MSRB3: variants seen among roughly 807,000 people sequenced by gnomAD.
The protein encoded by MSRB3 is methionine-R-sulfoxide reductase B3.
MSRB3 carries 13 observed loss-of-function variants against 21.0 expected under a neutral mutation model. The ratio of observed to expected loss-of-function variants is 0.62; its 90% CI spans 0.40 to 0.98. The LOEUF (loss-of-function observed/expected upper bound fraction) is 0.98, where lower values mean the gene tolerates loss of function less well. Among genes scored for constraint, MSRB3 ranks in the 50% least tolerant of loss-of-function variants. The pLI is 0.00. For missense variants in MSRB3, 199 were observed against 230.3 expected (o/e 0.86, Z 0.88); for synonymous variants, 87 against 88.6 (o/e 0.98, Z 0.10).
intron 5 of MSRB3, among the ~76,000 whole-genome samples, chr12:65,384,935 G>GTA (rs1318990984): frequency 6.6e-6 from 1 of 152,086 alleles, no homozygotes; most frequent in Non-Finnish European, 1.5e-5. Context: ...TAGGTGGCAT[G>GTA]TATAAGTATT....
intron 5 of MSRB3, among the ~76,000 whole-genome samples, chr12:65,415,263 AG>A (rs1341078741): frequency 1.3e-5 from 2 of 152,156 alleles, no homozygotes; most frequent in Non-Finnish European, 2.9e-5. Flanking sequence ...TCTGCTTCCA[AG>A]TGAGGTCATT....
In MSRB3 at chr12:65,463,382, A is replaced by T; in HGVS notation, c.*60A>T. 6.3e-7 allele frequency: 1 copy of T among 1,576,726 alleles called. No individual in the cohort carries two copies. The highest frequency in any genetic ancestry group is 8.7e-7 in the Non-Finnish European group (1 of 1,155,148). On this transcript the variant is annotated 3_prime_UTR_variant, in exon 7 of 7. Transcript: ENST00000308259. ...ATGCACAGCTTATTAAAAAAATCAA[A>T]ATTGTTATCTTAATAGATATATTTT... is the stretch of plus-strand genomic sequence containing the variant.
At chr12:65,291,132 C>T (rs1244870321) in intron 1 of MSRB3, among the ~76,000 whole-genome samples, 7 of 151,740 alleles carry the variant, frequency 4.6e-5, no homozygotes, top group African/African-American at 1.7e-4. Flanking sequence ...GTCACCCAGG[C>T]TGGAGTGCAG....
chr12:65,418,654 T>G, intron 5 of MSRB3: 1 of 624,278 alleles, frequency 1.6e-6, no homozygotes, highest in East Asian at 2.7e-5. Context: ...ATTTTGAGTT[T>G]TTTTTTTTTA....
At chr12:65,340,122 A>G (rs572250285) in intron 4 of MSRB3, among the ~76,000 whole-genome samples, 92 of 152,228 alleles carry the variant, frequency 6.0e-4, no homozygotes, top group Non-Finnish European at 1.1e-3. Flanking sequence ...ATCCAAGAAA[A>G]TAGATGACAA....
chr12:65,435,204 A>G (rs1489530882), intron 5 of MSRB3, among the ~76,000 whole-genome samples: 5 of 151,958 alleles, frequency 3.3e-5, no homozygotes, highest in African/African-American at 7.2e-5. Context: ...CTTTTGTTGT[A>G]TAAGAGGTGG....
rs1873697545 is a variant in MSRB3 at position 65,307,087 on chromosome 12, C to T, written c.-51-1442C>T. On this transcript the variant is annotated intron_variant, in intron 1 of 6. Transcript: ENST00000308259. ...AGAGAAGGGTCACAGGGAAAAAATA[C>T]ATTTTTATTTATAGTGTTGTGAGGT... 5 of 962,700 alleles carry T rather than the reference C, an allele frequency of 5.2e-6. No individual in the cohort carries two copies. In the South Asian group the frequency reaches 1.4e-4, roughly 28 times the overall value. The allele number at this position is 962,700 out of a possible 1,614,324, so 59.6% of individuals were successfully genotyped here. A position where few individuals can be genotyped will look rare whatever the true frequency, so the allele number is the denominator to read the frequency against.
At chr12:65,318,509 T>G (rs1167666943) in intron 2 of MSRB3, among the ~76,000 whole-genome samples, 1 of 152,182 alleles carries the variant, frequency 6.6e-6, no homozygotes. Context: ...TTTTTAATTT[T>G]TTTTTATGGG....
At chr12:65,364,936 A>T (rs1431422881) in intron 4 of MSRB3, among the ~76,000 whole-genome samples, 1 of 152,092 alleles carries the variant, frequency 6.6e-6, no homozygotes, top group African/African-American at 2.4e-5. Context: ...AATTCTGCAG[A>T]TTTTTTTAAA....
intron 5 of MSRB3, among the ~76,000 whole-genome samples, chr12:65,438,927 A>G (rs1381862883): frequency 1.3e-5 from 2 of 151,896 alleles, no homozygotes; most frequent in Non-Finnish European, 2.9e-5. Flanking sequence ...CATAAAATGG[A>G]CAAATATAAG....
intron 2 of MSRB3, among the ~76,000 whole-genome samples, chr12:65,317,400 A>G (rs1356872019): frequency 6.6e-6 from 1 of 152,184 alleles, no homozygotes; most frequent in Non-Finnish European, 1.5e-5. Context: ...TGGAGCATAA[A>G]ATAATGGGGT....
At chr12:65,350,464 T>G (rs937848693) in intron 4 of MSRB3, among the ~76,000 whole-genome samples, 20 of 150,692 alleles carry the variant, frequency 1.3e-4, no homozygotes, top group African/African-American at 4.7e-4. Context: ...CGTAACAATA[T>G]TAACTTTAAA....
intron 5 of MSRB3, among the ~76,000 whole-genome samples, chr12:65,377,303 CAG>C (rs1229829480): frequency 6.6e-6 from 1 of 152,074 alleles, no homozygotes; most frequent in Non-Finnish European, 1.5e-5. Context: ...TTTTTTGAGA[CAG>C]AGTCTTGCTC....
intron 5 of MSRB3, among the ~76,000 whole-genome samples, chr12:65,386,233 A>C (rs11175741): frequency 2.6e-5 from 4 of 151,590 alleles, no homozygotes; most frequent in Non-Finnish European, 5.9e-5. Flanking sequence ...TTCTTTCAGA[A>C]ATGGTTCTAG....
chr12:65,281,397 C>T (rs912483203), intron 1 of MSRB3, among the ~76,000 whole-genome samples: 1 of 152,170 alleles, frequency 6.6e-6, no homozygotes, highest in Non-Finnish European at 1.5e-5. Context: ...CTCTTCAGAG[C>T]CACCTACTAC....
At chr12:65,401,673 G>A (rs1880132624) in intron 5 of MSRB3, among the ~76,000 whole-genome samples, 2 of 152,068 alleles carry the variant, frequency 1.3e-5, no homozygotes, top group African/African-American at 4.8e-5. Context: ...TGATTATTTT[G>A]TCCATTAGTT....
chr12:65,415,219 C>G (rs1412268087), intron 5 of MSRB3, among the ~76,000 whole-genome samples: 1 of 152,164 alleles, frequency 6.6e-6, no homozygotes, highest in Non-Finnish European at 1.5e-5. Context: ...TAAGCTCATA[C>G]TCTTTAGGAT....
intron 4 of MSRB3, among the ~76,000 whole-genome samples, chr12:65,353,145 C>G (rs1375459625): frequency 1.3e-5 from 2 of 152,120 alleles, no homozygotes; most frequent in Non-Finnish European, 2.9e-5. Context: ...TTGCTTCCAA[C>G]TATGTGGTCA....
intron 4 of MSRB3, among the ~76,000 whole-genome samples, chr12:65,347,103 T>G (rs1356833860): frequency 6.6e-6 from 1 of 152,202 alleles, no homozygotes; most frequent in Non-Finnish European, 1.5e-5. Context: ...TTAAAGTAGT[T>G]TTTTCCAATT....
Sources: gnomAD v4.1 joint callset for allele counts (sites outside exome capture counted in the v4.1 genomes callset) on GRCh38, gnomAD v4.1.1 for gene constraint, MANE v1.5 for transcripts, NCBI Gene and HGNC (gene_info 2026-07-23, HGNC 2026-07-21) for gene names.